ARHGAP27: variants seen among roughly 807,000 people sequenced by gnomAD.
ARHGAP27 encodes rho GTPase-activating protein 27.
A neutral mutation model predicts 102.0 loss-of-function variants in ARHGAP27; 53 were observed. The observed-to-expected ratio is 0.52, with a 90% CI of 0.42 to 0.65. ARHGAP27 has a LOEUF of 0.65. Ranked by LOEUF, ARHGAP27 falls within the 30% of genes least tolerant of loss-of-function variation. ARHGAP27 has a pLI of 0.00. For missense variants in ARHGAP27, 1,117 were observed against 1,256.2 expected (o/e 0.89, Z 1.68); for synonymous variants, 525 against 542.8 (o/e 0.97, Z 0.46).
intron 4 of ARHGAP27, among the ~76,000 whole-genome samples, chr17:45,406,716 C>T (rs2047214170): frequency 1.3e-5 from 2 of 151,956 alleles, no homozygotes; most frequent in Admixed American, 6.6e-5. Flanking sequence ...TGCAGTGGCG[C>T]AATCTTGGCT....
intron 4 of ARHGAP27, among the ~76,000 whole-genome samples, chr17:45,416,145 A>C (rs1597835076): frequency 6.6e-6 from 1 of 151,396 alleles, no homozygotes; most frequent in East Asian, 2.0e-4. Context: ...TCCCGGGTTC[A>C]CGCCATTCTC....
In ARHGAP27 at chr17:45,396,001, G is replaced by T; in HGVS notation, c.2368C>A (p.Gln790Lys). The stretch of plus-strand genomic sequence containing the variant: ...TGCTCACTGATGGCCGCAATGAACT[G>T]GCGGAAGTGCGAGAAGGGGAAGAGG... ...EPLFPFSHFRQFIAAIKLQDQ... is the reference protein window; with the variant it reads ...EPLFPFSHFRKFIAAIKLQDQ... The change falls in exon 18 of 20, where the codon CAG becomes AAG. Residue 790 changes from glutamine to lysine, a missense_variant. Physicochemically the swap from Gln to Lys is moderately conservative, Grantham distance 53. Coordinates refer to ENST00000685559, the MANE Select transcript of ARHGAP27 (RefSeq NM_001282290.2). 4 of 1,612,540 alleles carry T rather than the reference G, an allele frequency of 2.5e-6. No homozygotes were observed. The highest frequency in any genetic ancestry group is 3.4e-6 in the Non-Finnish European group (4 of 1,179,094).
At chr17:45,423,567 C>T (rs372094082) in intron 4 of ARHGAP27, among the ~76,000 whole-genome samples, 1 of 152,168 alleles carries the variant, frequency 6.6e-6, no homozygotes, top group African/African-American at 2.4e-5. Context: ...CCAACATGCC[C>T]CCAACAGCTC....
intron 4 of ARHGAP27, chr17:45,408,578 C>T (rs1043451090): frequency 6.6e-6 from 1 of 152,182 alleles, no homozygotes; most frequent in African/African-American, 2.4e-5. Context: ...TTTCTCTACC[C>T]CCACCATAGC....
intron 18 of ARHGAP27, 48 bp downstream of exon 18, chr17:45,395,935 C>T: frequency 6.4e-7 from 1 of 1,567,358 alleles, no homozygotes; most frequent in South Asian, 1.2e-5. Flanking sequence ...TAAAGGGGTG[C>T]CCCGCCACGC....
Position 45,402,843 on chromosome 17 carries a change from A to G in ARHGAP27, c.1639-25T>C, listed in dbSNP as rs751940489. 1.1e-5 allele frequency: 18 copies of G among 1,580,220 alleles called. No homozygotes were observed. The South Asian group carries it at 2.0e-4, about 17-fold the overall frequency. On this transcript the variant is annotated intron_variant, in intron 11 of 19. Transcript: ENST00000685559. ...TCTGTGGGAGAGGGAGGAAGGTCAC[A>G]GGGAGCCCTCAGTTCAGATGTGTCT... is the stretch of plus-strand genomic sequence containing the variant.
intron 4 of ARHGAP27, among the ~76,000 whole-genome samples, chr17:45,415,240 C>T (rs1367343177): frequency 1.3e-5 from 2 of 152,146 alleles, no homozygotes; most frequent in Non-Finnish European, 1.5e-5. Context: ...TCTGGTCCTC[C>T]TCTGGCCTGA....
At position 45,405,011 on chromosome 17, in the gene ARHGAP27, G is replaced by T. The variant is rs147031282; in HGVS notation, c.1161C>A (p.Thr387=). 1 of 1,614,060 alleles carries T rather than the reference G, an allele frequency of 6.2e-7. No homozygotes were observed. The highest frequency in any genetic ancestry group is 1.1e-5 in the South Asian group (1 of 91,078). The change falls in exon 6 of 20, where the codon ACC becomes ACA. Residue 387 remains threonine, a synonymous_variant. Transcript: ENST00000685559. ...PVGSFGEPGP[T]SPLTTPPGWS... Reference sequence around the variant, plus strand: ...AGCCGGGGGGTGTGGTCAAGGGAGAGGTAGGGCCGGGCTCACCGAAAGAGC... The same window carrying T: ...AGCCGGGGGGTGTGGTCAAGGGAGATGTAGGGCCGGGCTCACCGAAAGAGC...
chr17:45,397,150 T>G, intron 13 of ARHGAP27, 126 bp from the exon 14 acceptor site: 1 of 1,474,478 alleles, frequency 6.8e-7, no homozygotes, highest in South Asian at 1.4e-5. Flanking sequence ...AAGAGTCCTC[T>G]CTTCCCTTAA....
chr17:45,425,248 G>A (rs1299605880), intron 4 of ARHGAP27, among the ~76,000 whole-genome samples: 1 of 152,142 alleles, frequency 6.6e-6, no homozygotes, highest in Admixed American at 6.5e-5. Flanking sequence ...GGGGGTGCCG[G>A]AGGAGGGAGT....
Position 45,404,099 on chromosome 17 carries a change from A to AAG in ARHGAP27, c.1480-5_1480-4dup, listed in dbSNP as rs1567701661. 1 of 1,614,050 alleles carries AAG rather than the reference A, an allele frequency of 6.2e-7. No homozygotes were observed. Among genetic ancestry groups the AAG allele is most frequent in the Non-Finnish European group, 8.5e-7 (1 of 1,180,002 alleles). On this transcript the variant is annotated splice_region_variant and splice_polypyrimidine_tract_variant and intron_variant, in intron 9 of 19. Coordinates refer to ENST00000685559, the MANE Select transcript of ARHGAP27 (RefSeq NM_001282290.2). Reference sequence around the variant, plus strand: ...CCTGCCTTGTCCAAGGTCTTGGTCTAAGAGAGAGAAGAGAGAGCAGGCGCA... The same window carrying AAG: ...CCTGCCTTGTCCAAGGTCTTGGTCTAAGAGAGAGAGAAGAGAGAGCAGGCGCA...
intron 4 of ARHGAP27, among the ~76,000 whole-genome samples, chr17:45,416,334 G>A (rs1163409737): frequency 2.0e-5 from 3 of 151,954 alleles, no homozygotes; most frequent in African/African-American, 4.8e-5. Context: ...GATTACAGGC[G>A]TGAGCCACCG....
chr17:45,395,712 C>G (rs1250726208), intron 19 of ARHGAP27, 32 bp downstream of exon 19: 3 of 1,571,678 alleles, frequency 1.9e-6, no homozygotes, highest in Non-Finnish European at 2.6e-6. Context: ...CGGGACCTGC[C>G]TCCCCCTTCC....
At chr17:45,401,408 G>A (rs892172511) in intron 12 of ARHGAP27, among the ~76,000 whole-genome samples, 1 of 152,204 alleles carries the variant, frequency 6.6e-6, no homozygotes, top group Non-Finnish European at 1.5e-5. Context: ...CATCAGAGTA[G>A]CTCATGAGAT....
At chr17:45,416,515 T>C (rs1410378595) in intron 4 of ARHGAP27, among the ~76,000 whole-genome samples, 1 of 151,608 alleles carries the variant, frequency 6.6e-6, no homozygotes, top group Non-Finnish European at 1.5e-5. Flanking sequence ...GGCTCCTTGC[T>C]ATTGTTAAAT....
chr17:45,406,052 T>G lies in ARHGAP27; in HGVS notation c.689A>C (p.Asn230Thr). Residue 230 changes from asparagine (N) to threonine (T), a missense_variant, in exon 5 of 20, where the codon AAC becomes ACC. Transcript: ENST00000685559. ...VDDPPEPVYA[N>T]IERQPRATSP... Reference sequence around the variant, plus strand: ...AGTGGCCCGGGGCTGCCTCTCTATGTTCGCGTACACGGGCTCCGGTGGGTC... The same window carrying G: ...AGTGGCCCGGGGCTGCCTCTCTATGGTCGCGTACACGGGCTCCGGTGGGTC... The G allele has an allele frequency of 6.5e-7, 1 of 1,530,550 alleles. No homozygotes were observed. The highest frequency in any genetic ancestry group is 1.7e-4 in the Middle Eastern group (1 of 5,968). The allele number at this position is 1,530,550 out of a possible 1,614,324, so 94.8% of individuals were successfully genotyped here.
At chr17:45,420,506 C>A (rs1168105373) in intron 4 of ARHGAP27, among the ~76,000 whole-genome samples, 1 of 151,740 alleles carries the variant, frequency 6.6e-6, no homozygotes, top group Non-Finnish European at 1.5e-5. Context: ...TTACTATAGA[C>A]TTTAAAATAT....
At position 45,404,482 on chromosome 17, in the gene ARHGAP27, C is replaced by A. The variant is rs112715622; in HGVS notation, c.1376G>T (p.Gly459Val). The change falls in exon 8 of 20, where the codon GGT becomes GTT. Residue 459 changes from glycine to valine, a missense_variant. By Grantham distance (109) the Gly-to-Val change is moderately radical (BLOSUM62 -3). Around this residue, in one of 3 missense-constraint regions of ARHGAP27, gnomAD observed 610 missense variants for 716.4 expected, o/e 0.85. Transcript: ENST00000685559. ...AGGGCTGGCCTGGGCTGGGGTGTCA[C>A]CATCCTGGCTGGATTTATGGATGCT... ...PRSIHKSSQDGDTPAQASPPE... is the reference protein window; with the variant it reads ...PRSIHKSSQDVDTPAQASPPE... The A allele has an allele frequency of 4.5e-3, 7,275 of 1,613,798 alleles. 33 individuals are homozygous for A. The highest frequency in any genetic ancestry group is 6.0e-3 in the Non-Finnish European group (7,056 of 1,179,890).
intron 11 of ARHGAP27, among the ~76,000 whole-genome samples, chr17:45,403,138 T>A (rs1010221700): frequency 1.3e-5 from 2 of 152,164 alleles, no homozygotes; most frequent in African/African-American, 4.8e-5. Flanking sequence ...GTTCCCCATC[T>A]CCAGTGGGCT....
Sources: gnomAD v4.1 joint callset for allele counts (sites outside exome capture counted in the v4.1 genomes callset) on GRCh38, gnomAD v4.1.1 for gene constraint, gnomAD v4.1.1 regional missense constraint, MANE v1.5 for transcripts, NCBI Gene and HGNC (gene_info 2026-07-23, HGNC 2026-07-21) for gene names.